Variants in TECPR2 observed in about 807,000 individuals in gnomAD.
TECPR2 encodes the protein tectonin beta-propeller repeat-containing protein 2.
Under a neutral mutation model 138.1 loss-of-function variants are expected in TECPR2, and 65 were observed. That is an observed-to-expected ratio of 0.47 (90% CI 0.39 to 0.58). TECPR2 has a LOEUF of 0.58. Ranked by LOEUF, TECPR2 falls within the 20% of genes least tolerant of loss-of-function variation. The pLI, the probability that TECPR2 is intolerant of heterozygous loss-of-function variation, is 0.00. For missense variants in TECPR2, 1,553 were observed against 1,824.5 expected, an observed-to-expected ratio of 0.85 and a Z score of 2.71; for synonymous variants, 746 against 749.8, an observed-to-expected ratio of 0.99 and a Z score of 0.08.
chr14:102,366,532 G>T (rs139384358), intron 1 of TECPR2, among the ~76,000 whole-genome samples: 68 of 152,142 alleles, frequency 4.5e-4, no homozygotes, highest in African/African-American at 1.6e-3. Context: ...TTTTTTAGTA[G>T]AGATGGGTTT....
At chr14:102,376,963 C>T (rs771997626) in intron 2 of TECPR2, 23 bp downstream of exon 2, 2 of 1,594,322 alleles carry the variant, frequency 1.3e-6, no homozygotes, top group South Asian at 2.2e-5. Flanking sequence ...TTGCTTTTCA[C>T]CTGAGGGGGC....
At chr14:102,367,317 T>C (rs1423870349) in intron 1 of TECPR2, among the ~76,000 whole-genome samples, 2 of 152,216 alleles carry the variant, frequency 1.3e-5, no homozygotes, top group Non-Finnish European at 2.9e-5. Context: ...CAATGGTTTT[T>C]ACTGTATTCA....
intron 2 of TECPR2, among the ~76,000 whole-genome samples, chr14:102,392,943 A>G (rs984753253): frequency 6.6e-6 from 1 of 152,194 alleles, no homozygotes; most frequent in African/African-American, 2.4e-5. Flanking sequence ...GTTCCAATCA[A>G]TGCTTGAGAT....
intron 17 of TECPR2, among the ~76,000 whole-genome samples, chr14:102,488,881 CT>C (rs921563756): frequency 7.8e-4 from 115 of 148,362 alleles, no homozygotes; most frequent in African/African-American, 1.9e-3. Context: ...CCAGAACATT[CT>C]TTTTTTTTTC....
intron 2 of TECPR2, among the ~76,000 whole-genome samples, chr14:102,389,962 G>A (rs959398687): frequency 8.5e-5 from 13 of 152,204 alleles, no homozygotes; most frequent in African/African-American, 3.1e-4. Flanking sequence ...GATGTTCTTT[G>A]TTAGTAAAAG....
chr14:102,495,219 A>T (rs118020140), intron 17 of TECPR2, among the ~76,000 whole-genome samples: 4,547 of 151,962 alleles, frequency 0.03, 85 homozygotes, highest in Middle Eastern at 0.092. Flanking sequence ...CTTAAAAAAA[A>T]TTTTTTTAAA....
In TECPR2 at chr14:102,489,007, C is replaced by T. The variant is rs150138864; in HGVS notation, c.3790-7972C>T. Among the ~76,000 whole-genome samples, 105 of 152,026 alleles carry T rather than the reference C, an allele frequency of 6.9e-4. 3 individuals carry two copies. The East Asian group carries it at 0.016, about 23-fold the overall frequency. Reference sequence around the variant, plus strand: ...AAGTGATTCTCCTGCCTCAGCCTCCCGAGACACTAGGACTACAGGCATGCG... The same window carrying T: ...AAGTGATTCTCCTGCCTCAGCCTCCTGAGACACTAGGACTACAGGCATGCG... On this transcript the variant is annotated intron_variant, in intron 17 of 19. Transcript: ENST00000359520.
chr14:102,408,117 T>C (rs955628119), intron 3 of TECPR2, among the ~76,000 whole-genome samples: 1 of 151,718 alleles, frequency 6.6e-6, no homozygotes, highest in Non-Finnish European at 1.5e-5. Flanking sequence ...CACAGTGAGC[T>C]GAGATTGTAC....
Position 102,462,587 on chromosome 14 carries a change from A to C in TECPR2, c.3641-2554A>C, listed in dbSNP as rs75782724. Among the ~76,000 whole-genome samples the C allele has an allele frequency of 7.4e-4, 113 of 152,308 alleles. 4 individuals are homozygous for C. In the East Asian group the frequency reaches 0.018, roughly 24 times the overall value. On this transcript the variant is annotated intron_variant, in intron 16 of 19. Coordinates refer to ENST00000359520, the MANE Select transcript of TECPR2 (RefSeq NM_014844.5). Reference sequence around the variant, plus strand: ...TACACTCCGTGGGCTGTCATCTGATACCAGTGACAACTGTGCAAGGGTGGT... The same window carrying C: ...TACACTCCGTGGGCTGTCATCTGATCCCAGTGACAACTGTGCAAGGGTGGT...
intron 11 of TECPR2, among the ~76,000 whole-genome samples, chr14:102,441,017 G>T (rs1214778902): frequency 6.6e-6 from 1 of 151,782 alleles, no homozygotes; most frequent in Non-Finnish European, 1.5e-5. Context: ...TCAAAGCCCG[G>T]CTCCTATATA....
chr14:102,419,085 G>C lies in TECPR2; in HGVS notation c.638+4292G>C, dbSNP rs531286003. 6.6e-6 allele frequency among the ~76,000 whole-genome samples: 1 copy of C among 152,276 alleles called. No homozygotes were observed. The highest frequency in any genetic ancestry group is 1.5e-5 in the Non-Finnish European group (1 of 68,022). On this transcript the variant is annotated intron_variant, in intron 5 of 19. Coordinates refer to ENST00000359520, the MANE Select transcript of TECPR2 (RefSeq NM_014844.5). The surrounding 1 kb of genome is among the most constrained non-coding windows in gnomAD (Gnocchi z 4.8). Reference sequence around the variant, plus strand: ...CTGGCAGCCACTGGCATGCAGACAGGAGCTCGCCTAGGGAGATTTGGGCAG... The same window carrying C: ...CTGGCAGCCACTGGCATGCAGACAGCAGCTCGCCTAGGGAGATTTGGGCAG...
At chr14:102,401,645 A>C (rs1181504972) in intron 2 of TECPR2, among the ~76,000 whole-genome samples, 1 of 151,274 alleles carries the variant, frequency 6.6e-6, no homozygotes, top group Non-Finnish European at 1.5e-5. Context: ...CTATTAAAAA[A>C]TACAAAAAAA....
chr14:102,396,074 A>G (rs1433017371), intron 2 of TECPR2, among the ~76,000 whole-genome samples: 1 of 150,034 alleles, frequency 6.7e-6, no homozygotes, highest in African/African-American at 2.4e-5. Context: ...GTTGGGGGAA[A>G]TACCTTTCTT....
chr14:102,393,661 C>T (rs1378433745), intron 2 of TECPR2, among the ~76,000 whole-genome samples: 3 of 152,114 alleles, frequency 2.0e-5, no homozygotes, highest in African/African-American at 4.8e-5. Flanking sequence ...CAGGCTCAAG[C>T]GATTCTCCTG....
intron 2 of TECPR2, among the ~76,000 whole-genome samples, chr14:102,386,089 C>T (rs189039280): frequency 6.6e-6 from 1 of 151,980 alleles, no homozygotes; most frequent in Admixed American, 6.6e-5. Context: ...TACTTGGTAG[C>T]CCTGAGTATC....
chr14:102,445,700 C>G, intron 12 of TECPR2, 106 bp from the exon 13 acceptor site: 1 of 1,427,622 alleles, frequency 7.0e-7, no homozygotes, highest in Non-Finnish European at 9.4e-7. Flanking sequence ...GGCCACGTCT[C>G]TTCTCCCAGC....
intron 2 of TECPR2, among the ~76,000 whole-genome samples, chr14:102,383,884 G>A (rs932204336): frequency 6.7e-6 from 1 of 149,704 alleles, no homozygotes; most frequent in Non-Finnish European, 1.5e-5. Context: ...TCTTTGTTTC[G>A]TTTTCCTTTA....
intron 6 of TECPR2, among the ~76,000 whole-genome samples, chr14:102,427,285 A>G (rs1406676790): frequency 6.6e-6 from 1 of 152,184 alleles, no homozygotes; most frequent in Non-Finnish European, 1.5e-5. Context: ...GTAACTGTGC[A>G]TTGGTTCTTT....
rs1060502180 is a variant in TECPR2 at position 102,434,628 on chromosome 14, C to T, written c.1811C>T (p.Ala604Val). Residue 604 changes from alanine to valine, a missense_variant, in exon 9 of 20, where the codon GCA (alanine) becomes GTA (valine). Physicochemically the swap from Ala to Val is moderately conservative, Grantham distance 64. Coordinates refer to ENST00000359520, the MANE Select transcript of TECPR2 (RefSeq NM_014844.5). ...VTGLGDEPCP[A>V]DDGPNSTQLP... Reference sequence around the variant, plus strand: ...GGACTCGGAGATGAGCCGTGTCCTGCAGATGATGGACCAAATAGCACACAG... The same window carrying T: ...GGACTCGGAGATGAGCCGTGTCCTGTAGATGATGGACCAAATAGCACACAG... 6 of 1,590,922 alleles carry T rather than the reference C, an allele frequency of 3.8e-6. No individual in the cohort carries two copies. The highest frequency in any genetic ancestry group is 5.2e-6 in the Non-Finnish European group (6 of 1,164,960).
Sources: allele counts gnomAD v4.1 joint callset (sites outside exome capture counted in the v4.1 genomes callset), GRCh38; gene constraint gnomAD v4.1.1; non-coding constraint Gnocchi (gnomAD v3.1); transcripts MANE v1.5; gene names NCBI Gene and HGNC (gene_info 2026-07-23, HGNC 2026-07-21).